Variants in SPOCK3 observed in about 807,000 individuals in gnomAD.
The protein encoded by SPOCK3 is testican-3.
Under a neutral mutation model 56.6 loss-of-function variants are expected in SPOCK3, and 30 were observed. That is an observed-to-expected ratio of 0.53 (90% CI 0.40 to 0.72). The LOEUF is 0.72. Ranked by LOEUF, SPOCK3 falls within the 30% of genes least tolerant of loss-of-function variation. SPOCK3 has a pLI of 0.00. For missense variants in SPOCK3, 527 were observed against 530.0 expected, an observed-to-expected ratio of 0.99 and a Z score of 0.06; for synonymous variants, 196 against 183.3, an observed-to-expected ratio of 1.07 and a Z score of -0.56.
At chr4:167,115,327 A>G (rs552332652) in intron 2 of SPOCK3, among the ~76,000 whole-genome samples, 56 of 152,184 alleles carry the variant, frequency 3.7e-4, no homozygotes, top group African/African-American at 1.0e-3. Flanking sequence ...GAAAAAAAAA[A>G]AAAATGACAC....
intron 6 of SPOCK3, among the ~76,000 whole-genome samples, chr4:166,820,812 G>A (rs750298166): frequency 1.1e-4 from 17 of 151,728 alleles, no homozygotes; most frequent in African/African-American, 2.7e-4. Flanking sequence ...AGTAAGACCC[G>A]TCTCAAAATT....
intron 3 of SPOCK3, among the ~76,000 whole-genome samples, chr4:167,008,577 C>CCT: frequency 6.6e-6 from 1 of 152,062 alleles, no homozygotes; most frequent in East Asian, 1.9e-4. Context: ...ACCAAGTAAA[C>CCT]CTGTGCTTAT....
intron 4 of SPOCK3, among the ~76,000 whole-genome samples, chr4:166,988,639 T>G (rs2150107564): frequency 6.6e-6 from 1 of 152,218 alleles, no homozygotes; most frequent in East Asian, 1.9e-4. Context: ...CACAGGCAAC[T>G]AATAATAGAA....
intron 4 of SPOCK3, among the ~76,000 whole-genome samples, chr4:166,920,700 A>G (rs545485027): frequency 2.6e-5 from 4 of 152,302 alleles, no homozygotes; most frequent in African/African-American, 9.6e-5. Context: ...AAAATATTTT[A>G]CCAAAAGAAA....
chr4:167,030,001 CTT>C (rs1230427466), intron 3 of SPOCK3, among the ~76,000 whole-genome samples: 1 of 151,814 alleles, frequency 6.6e-6, no homozygotes, highest in African/African-American at 2.4e-5. Context: ...CACATAGTAT[CTT>C]AGTATTTTCT....
chr4:167,042,334 A>G (rs1753303325), intron 3 of SPOCK3, among the ~76,000 whole-genome samples: 1 of 152,208 alleles, frequency 6.6e-6, no homozygotes, highest in Non-Finnish European at 1.5e-5. Flanking sequence ...ACTGCTGCTT[A>G]TAGAATACTG....
intron 2 of SPOCK3, among the ~76,000 whole-genome samples, chr4:167,213,784 C>G (rs969360884): frequency 1.3e-5 from 2 of 149,262 alleles, no homozygotes; most frequent in Admixed American, 6.6e-5. Context: ...TATGGTGAAT[C>G]TTGAATCTTT....
At chr4:167,012,744 A>G (rs1013205475) in intron 3 of SPOCK3, among the ~76,000 whole-genome samples, 2 of 152,028 alleles carry the variant, frequency 1.3e-5, no homozygotes, top group Non-Finnish European at 2.9e-5. Context: ...AGTGACCAGT[A>G]ACTTTAACAT....
chr4:166,860,358 T>A (rs1163431034), intron 6 of SPOCK3, among the ~76,000 whole-genome samples: 1 of 152,068 alleles, frequency 6.6e-6, no homozygotes, highest in Admixed American at 6.6e-5. Context: ...TTTTTATTAC[T>A]GAAAAATTTA....
At chr4:166,952,681 C>T (rs960426280) in intron 4 of SPOCK3, among the ~76,000 whole-genome samples, 206 of 152,230 alleles carry the variant, frequency 1.4e-3, no homozygotes, top group African/African-American at 4.5e-3. Context: ...TGACTTCAAA[C>T]GATACTACAA....
At chr4:166,950,837 T>G (rs1742503525) in intron 4 of SPOCK3, among the ~76,000 whole-genome samples, 1 of 148,574 alleles carries the variant, frequency 6.7e-6, no homozygotes, top group South Asian at 2.1e-4. Context: ...GAATGACTAC[T>G]GGGTACATAA....
chr4:167,079,609 G>C (rs1757532763), intron 2 of SPOCK3, among the ~76,000 whole-genome samples: 1 of 150,552 alleles, frequency 6.6e-6, no homozygotes, highest in Non-Finnish European at 1.5e-5. Flanking sequence ...ACATAAGAAA[G>C]AAAAAAAAAT....
chr4:166,939,362 A>T (rs1277883750), intron 4 of SPOCK3, among the ~76,000 whole-genome samples: 1 of 152,134 alleles, frequency 6.6e-6, no homozygotes, highest in Non-Finnish European at 1.5e-5. Context: ...GCTATACAAG[A>T]TGATGGGGAT....
chr4:166,789,217 G>T lies in SPOCK3; in HGVS notation c.709+2953C>A, dbSNP rs190768797. The stretch of plus-strand genomic sequence containing the variant: ...AGCCAAGGCGGGCAGATCACCTGAG[G>T]TCAGGAGTTCAAAACCAGCCTGACC... On this transcript the variant is annotated intron_variant, in intron 7 of 10. Transcript: ENST00000357545. 6.7e-3 allele frequency among the ~76,000 whole-genome samples: 1,017 copies of T among 152,038 alleles called. 7 individuals are homozygous for T. Among genetic ancestry groups the T allele is most frequent in the African/African-American group, 0.023 (962 of 41,482 alleles).
intron 2 of SPOCK3, among the ~76,000 whole-genome samples, chr4:167,114,614 G>A (rs1761175023): frequency 6.6e-6 from 1 of 152,170 alleles, no homozygotes; most frequent in African/African-American, 2.4e-5. Context: ...TCACAGAGTG[G>A]CAGGGAGATA....
chr4:167,055,047 T>C (rs1300916828), intron 3 of SPOCK3, among the ~76,000 whole-genome samples: 2 of 152,154 alleles, frequency 1.3e-5, no homozygotes, highest in East Asian at 1.9e-4. Context: ...AAGTAAAAGA[T>C]AACTTTAAAT....
chr4:166,990,761 A>G (rs1239331229), intron 4 of SPOCK3, among the ~76,000 whole-genome samples: 1 of 152,118 alleles, frequency 6.6e-6, no homozygotes, highest in Non-Finnish European at 1.5e-5. Flanking sequence ...AAATGAATTT[A>G]TTAATGAATT....
At chr4:166,808,378 A>C (rs1198829021) in intron 6 of SPOCK3, among the ~76,000 whole-genome samples, 1 of 152,040 alleles carries the variant, frequency 6.6e-6, no homozygotes, top group Non-Finnish European at 1.5e-5. Context: ...GGAGGTAATT[A>C]AAGTTAAATG....
chr4:167,125,657 A>G (rs1215747130), intron 2 of SPOCK3, among the ~76,000 whole-genome samples: 2 of 152,010 alleles, frequency 1.3e-5, no homozygotes, highest in African/African-American at 4.8e-5. Flanking sequence ...GGAGCTTGCA[A>G]TGAGCCAAGA....
Sources: allele counts gnomAD v4.1 joint callset (sites outside exome capture counted in the v4.1 genomes callset), GRCh38; gene constraint gnomAD v4.1.1; transcripts MANE v1.5; gene names NCBI Gene and HGNC (gene_info 2026-07-23, HGNC 2026-07-21).